The following MAP2 variants were observed in gnomAD, a reference collection of about 807,000 sequenced individuals.
MAP2 encodes microtubule associated protein 2.
MAP2 carries 14 observed loss-of-function variants against 137.6 expected under a neutral mutation model. That is an observed-to-expected ratio of 0.10 (90% confidence interval 0.07 to 0.16). The LOEUF (loss-of-function observed/expected upper bound fraction) is 0.16. MAP2 is among the 10% of genes least tolerant of loss of function. The pLI is 1.00. For synonymous variants in MAP2, 786 were observed against 782.3 expected (o/e 1.00, Z -0.08); for missense variants, 2,088 against 2,191.5 (o/e 0.95, Z 0.94).
rs2064953588 is a variant in MAP2, at chr2:209,710,170, T to C, written c.4989T>C (p.Ile1663=). 3.1e-6 allele frequency: 5 copies of C among 1,613,680 alleles called. No individual in the cohort carries two copies. Among genetic ancestry groups the C allele is most frequent in the Non-Finnish European group, 4.2e-6 (5 of 1,179,856 alleles). The change falls in exon 13 of 16, where the codon ATT becomes ATC. Residue 1663 remains isoleucine, a synonymous_variant. Coordinates refer to ENST00000682079, the MANE Select transcript of MAP2 (RefSeq NM_001375505.1). ...SPATPKQLRL[I]NQPLPDLKNV... ...CGACTCCCAAGCAGCTTCGGCTTAT[T>C]AACCAACCACTGCCAGACCTGAAGA...
At chr2:209,607,156 G>A (rs998548962) in intron 3 of MAP2, among the ~76,000 whole-genome samples, 9 of 151,926 alleles carry the variant, frequency 5.9e-5, no homozygotes, top group African/African-American at 2.2e-4. Flanking sequence ...AAATACACTT[G>A]GGAACCATAT....
chr2:209,452,058 T>C (rs1463563139), intron 1 of MAP2, among the ~76,000 whole-genome samples: 1 of 152,212 alleles, frequency 6.6e-6, no homozygotes. Flanking sequence ...ACCAAGTTCA[T>C]GTAGAACTAA....
chr2:209,690,049 G>C (rs1037342520), intron 7 of MAP2, among the ~76,000 whole-genome samples: 6 of 152,134 alleles, frequency 3.9e-5, no homozygotes, highest in Admixed American at 3.9e-4. Context: ...TAGTTGGTTG[G>C]ATATTCTTTT....
At chr2:209,605,216 A>G (rs536398610) in intron 3 of MAP2, among the ~76,000 whole-genome samples, 2 of 152,280 alleles carry the variant, frequency 1.3e-5, no homozygotes, top group East Asian at 1.9e-4. Flanking sequence ...TCATTTCACT[A>G]TCTTAGACAG....
rs185447942 is a variant in MAP2 at position 209,609,324 on chromosome 2, T to G, written c.-106-15729T>G. On this transcript the variant is annotated intron_variant, in intron 3 of 15. Transcript: ENST00000682079. ...ATGTCATTGGGTCATTAATTTTGTTTGAAAATAATAGCTATATTGAGTGAG... is the reference window on the plus strand; with the variant it reads ...ATGTCATTGGGTCATTAATTTTGTTGGAAAATAATAGCTATATTGAGTGAG... 2.2e-3 allele frequency among the ~76,000 whole-genome samples: 329 copies of G among 152,284 alleles called. 7 individuals are homozygous for G. Among genetic ancestry groups the G allele is most frequent in the Admixed American group, 0.02 (300 of 15,282 alleles).
At chr2:209,432,045 A>G (rs993679455) in intron 1 of MAP2, among the ~76,000 whole-genome samples, 1 of 152,296 alleles carries the variant, frequency 6.6e-6, no homozygotes, top group East Asian at 1.9e-4. Context: ...AGCTTGAACT[A>G]TCCATACTGA....
intron 3 of MAP2, among the ~76,000 whole-genome samples, chr2:209,583,230 T>A (rs937123368): frequency 6.6e-6 from 1 of 151,958 alleles, no homozygotes; most frequent in Non-Finnish European, 1.5e-5. Context: ...AGTGAATATG[T>A]CCTCAAATAC....
intron 3 of MAP2, among the ~76,000 whole-genome samples, chr2:209,588,554 T>C (rs1291976729): frequency 6.6e-6 from 1 of 152,170 alleles, no homozygotes; most frequent in African/African-American, 2.4e-5. Flanking sequence ...GATGTCTCTT[T>C]TTGGGAAGAT....
chr2:209,511,360 T>C (rs2061696995), intron 2 of MAP2, among the ~76,000 whole-genome samples: 1 of 152,128 alleles, frequency 6.6e-6, no homozygotes, highest in Non-Finnish European at 1.5e-5. Flanking sequence ...CCTATCTTGC[T>C]CCCAAAGAGG....
intron 1 of MAP2, among the ~76,000 whole-genome samples, chr2:209,444,459 A>G (rs1302683349): frequency 1.3e-5 from 2 of 151,560 alleles, no homozygotes; most frequent in African/African-American, 4.8e-5. Flanking sequence ...TGAAATAACC[A>G]TACATTCCAA....
intron 1 of MAP2, among the ~76,000 whole-genome samples, chr2:209,454,445 C>T (rs1701060456): frequency 6.6e-6 from 1 of 151,892 alleles, no homozygotes; most frequent in Admixed American, 6.6e-5. Flanking sequence ...AGCAATTCTC[C>T]CTCCCTCAGC....
intron 3 of MAP2, among the ~76,000 whole-genome samples, chr2:209,616,183 T>C (rs2089287164): frequency 6.8e-6 from 1 of 147,256 alleles, no homozygotes; most frequent in Non-Finnish European, 1.5e-5. Context: ...TATAACCAGC[T>C]TGTGGCCTTG....
At position 209,696,538 on chromosome 2, in the gene MAP2, A is replaced by C; in HGVS notation, c.4181-4A>C. On this transcript the variant is annotated splice_polypyrimidine_tract_variant and splice_region_variant and intron_variant, in intron 8 of 15. Transcript: ENST00000682079. Reference sequence around the variant, plus strand: ...TTGTTGTCATGATTTGCTTTGATCCACAGATGATGATAGGAGCATCATGAC... The same window carrying C: ...TTGTTGTCATGATTTGCTTTGATCCCCAGATGATGATAGGAGCATCATGAC... 6.2e-7 allele frequency: 1 copy of C among 1,605,234 alleles called. No individual in the cohort carries two copies. Among genetic ancestry groups the C allele is most frequent in the Non-Finnish European group, 8.5e-7 (1 of 1,176,698 alleles).
chr2:209,636,209 A>C (rs1217748502), intron 4 of MAP2, among the ~76,000 whole-genome samples: 2 of 152,140 alleles, frequency 1.3e-5, no homozygotes, highest in African/African-American at 2.4e-5. Context: ...CACTAAAGCA[A>C]ATACTTCAGT....
At chr2:209,526,745 A>C (rs561156319) in intron 2 of MAP2, among the ~76,000 whole-genome samples, 1 of 150,446 alleles carries the variant, frequency 6.6e-6, no homozygotes, top group Non-Finnish European at 1.5e-5. Flanking sequence ...TGAAAGAAGG[A>C]AGTGCTGCTA....
intron 4 of MAP2, among the ~76,000 whole-genome samples, chr2:209,649,754 T>C (rs2094653687): frequency 1.3e-5 from 2 of 152,222 alleles, no homozygotes; most frequent in Non-Finnish European, 2.9e-5. Context: ...CTGAGTAATC[T>C]GCATACATTT....
chr2:209,436,360 G>C, intron 1 of MAP2, among the ~76,000 whole-genome samples: 1 of 151,442 alleles, frequency 6.6e-6, no homozygotes, highest in East Asian at 1.9e-4. Flanking sequence ...AGGCTTTGTG[G>C]GCCACGCGTA....
chr2:209,442,478 A>T (rs1698039231), intron 1 of MAP2, among the ~76,000 whole-genome samples: 1 of 151,644 alleles, frequency 6.6e-6, no homozygotes, highest in African/African-American at 2.4e-5. Flanking sequence ...AGATTTTATT[A>T]GCAAGTAAAT....
chr2:209,641,508 G>A (rs1383836636), intron 4 of MAP2, among the ~76,000 whole-genome samples: 1 of 151,138 alleles, frequency 6.6e-6, no homozygotes, highest in Non-Finnish European at 1.5e-5. Flanking sequence ...TCCATAGTTA[G>A]TTACATACTT....
Sources: gnomAD v4.1 joint callset for allele counts (sites outside exome capture counted in the v4.1 genomes callset) on GRCh38, gnomAD v4.1.1 for gene constraint, MANE v1.5 for transcripts, NCBI Gene and HGNC (gene_info 2026-07-23, HGNC 2026-07-21) for gene names.